The following ANO10 variants were observed in gnomAD, a reference collection of about 807,000 sequenced individuals.
ANO10 encodes the protein anoctamin-10.
ANO10 carries 77 observed loss-of-function variants against 74.7 expected under a neutral mutation model. That is an observed-to-expected ratio of 1.03 (90% CI 0.86 to 1.25). ANO10 has a LOEUF of 1.25. ANO10 is among the 50% of genes most tolerant of loss of function. The pLI, the probability that ANO10 is intolerant of heterozygous loss-of-function variation, is 0.00. For missense variants in ANO10, 721 were observed against 778.1 expected, an observed-to-expected ratio of 0.93 and a Z score of 0.87; for synonymous variants, 279 against 284.9, an observed-to-expected ratio of 0.98 and a Z score of 0.21.
At chr3:43,478,231 C>G (rs1022352265) in intron 11 of ANO10, among the ~76,000 whole-genome samples, 1 of 152,184 alleles carries the variant, frequency 6.6e-6, no homozygotes, top group Non-Finnish European at 1.5e-5. Context: ...TTAGTCAGAA[C>G]AGATGCCTTA....
rs371513640 is a variant in ANO10, at chr3:43,377,699, G to A, written c.1915-10725C>T. ...TCAGGTTCAGGCCAGAAGAGGAGGCGTGGCCAGGCCAGTGGACACCAAGCA... is the reference window on the plus strand; with the variant it reads ...TCAGGTTCAGGCCAGAAGAGGAGGCATGGCCAGGCCAGTGGACACCAAGCA... On this transcript the variant is annotated intron_variant, in intron 12 of 12. Transcript: ENST00000292246. 1.3e-4 allele frequency among the ~76,000 whole-genome samples: 20 copies of A among 152,264 alleles called. No individual in the cohort carries two copies. In the South Asian group the frequency reaches 2.3e-3, roughly 17 times the overall value.
chr3:43,406,306 G>A (rs1409142302), intron 12 of ANO10, among the ~76,000 whole-genome samples: 1 of 152,150 alleles, frequency 6.6e-6, no homozygotes, highest in Non-Finnish European at 1.5e-5. Flanking sequence ...GCAGTCAAGG[G>A]AAATATCAAA....
At chr3:43,437,654 T>C (rs2093090392) in intron 11 of ANO10, among the ~76,000 whole-genome samples, 1 of 152,002 alleles carries the variant, frequency 6.6e-6, no homozygotes. Context: ...AATTACAATC[T>C]CCTAAAAAAG....
chr3:43,685,542 C>G (rs1326942531), intron 1 of ANO10, among the ~76,000 whole-genome samples: 2 of 152,108 alleles, frequency 1.3e-5, no homozygotes, highest in African/African-American at 2.4e-5. Flanking sequence ...AGGTCAGACC[C>G]CCAGAAGTTA....
intron 11 of ANO10, among the ~76,000 whole-genome samples, chr3:43,478,868 A>G (rs2076168160): frequency 6.6e-6 from 1 of 152,198 alleles, no homozygotes; most frequent in Non-Finnish European, 1.5e-5. Context: ...AATTGTCTCC[A>G]TTTTAAGGTT....
chr3:43,426,868 G>A (rs898612043), intron 12 of ANO10, among the ~76,000 whole-genome samples: 1 of 152,152 alleles, frequency 6.6e-6, no homozygotes, highest in Non-Finnish European at 1.5e-5. Context: ...CCACCTTCAA[G>A]TATGTCTAAT....
chr3:43,636,872 G>T (rs1559379408), intron 1 of ANO10, among the ~76,000 whole-genome samples: 1 of 152,170 alleles, frequency 6.6e-6, no homozygotes, highest in Non-Finnish European at 1.5e-5. Flanking sequence ...CCACTAAAAA[G>T]GCCCCATTTA....
intron 1 of ANO10, among the ~76,000 whole-genome samples, chr3:43,639,264 C>T (rs1430014188): frequency 1.3e-5 from 2 of 152,252 alleles, no homozygotes; most frequent in East Asian, 1.9e-4. Context: ...TTGAAAGGGG[C>T]GTCAAAGAAT....
At chr3:43,397,603 G>A (rs1418572000) in intron 12 of ANO10, among the ~76,000 whole-genome samples, 4 of 152,134 alleles carry the variant, frequency 2.6e-5, no homozygotes, top group Non-Finnish European at 5.9e-5. Flanking sequence ...CGTGTATTCC[G>A]ATTTTCCTAA....
chr3:43,516,820 G>A (rs538764598), intron 11 of ANO10, among the ~76,000 whole-genome samples: 1 of 152,180 alleles, frequency 6.6e-6, no homozygotes, highest in East Asian at 1.9e-4. Context: ...TTCAACGTGA[G>A]TAACATGAAA....
intron 12 of ANO10, among the ~76,000 whole-genome samples, chr3:43,367,230 G>A (rs1182866584): frequency 6.6e-6 from 1 of 152,208 alleles, no homozygotes; most frequent in African/African-American, 2.4e-5. Flanking sequence ...AGAAGCAGCT[G>A]GCGTCTCCTC....
chr3:43,646,121 A>G (rs1248878762), intron 1 of ANO10, among the ~76,000 whole-genome samples: 1 of 152,176 alleles, frequency 6.6e-6, no homozygotes, highest in Non-Finnish European at 1.5e-5. Context: ...ACCTGTTTTA[A>G]GTAGCTTAGT....
chr3:43,475,959 T>C (rs986003260), intron 11 of ANO10, among the ~76,000 whole-genome samples: 1 of 152,208 alleles, frequency 6.6e-6, no homozygotes, highest in Non-Finnish European at 1.5e-5. Flanking sequence ...ATCTGTTCTA[T>C]TTATCTATTT....
At chr3:43,603,907 G>A (rs1293627491) in intron 2 of ANO10, among the ~76,000 whole-genome samples, 1 of 152,098 alleles carries the variant, frequency 6.6e-6, no homozygotes, top group African/African-American at 2.4e-5. Context: ...GTATGTGAGT[G>A]GTGGAGTAGG....
At chr3:43,419,920 T>C (rs568308507) in intron 12 of ANO10, among the ~76,000 whole-genome samples, 38 of 152,344 alleles carry the variant, frequency 2.5e-4, no homozygotes, top group Admixed American at 2.2e-3. Flanking sequence ...AGTGATTATT[T>C]TCCTTTAGGT....
chr3:43,485,103 C>T, intron 11 of ANO10: 2 of 1,016,968 alleles, frequency 2.0e-6, no homozygotes, highest in East Asian at 2.5e-5. Context: ...CACTTGCTGG[C>T]TGCGATCACC....
chr3:43,511,623 C>T (rs549985519), intron 11 of ANO10, among the ~76,000 whole-genome samples: 2 of 152,234 alleles, frequency 1.3e-5, no homozygotes, highest in African/African-American at 4.8e-5. Flanking sequence ...TAGCTCCCAC[C>T]TTAGTACCCC....
chr3:43,481,098 T>C (rs989470326), intron 11 of ANO10, among the ~76,000 whole-genome samples: 2 of 151,200 alleles, frequency 1.3e-5, no homozygotes, highest in Non-Finnish European at 3.0e-5. Flanking sequence ...TATTTTATAG[T>C]AGAGAGTCAA....
chr3:43,408,142 A>G (rs1449559289), intron 12 of ANO10, among the ~76,000 whole-genome samples: 33 of 152,200 alleles, frequency 2.2e-4, no homozygotes, highest in Non-Finnish European at 1.5e-5. Flanking sequence ...GCCTCATTCA[A>G]AAAATACTGG....
Sources: allele counts gnomAD v4.1 joint callset (sites outside exome capture counted in the v4.1 genomes callset), GRCh38; gene constraint gnomAD v4.1.1; transcripts MANE v1.5; gene names NCBI Gene and HGNC (gene_info 2026-07-23, HGNC 2026-07-21).